HTR4: variants seen among roughly 807,000 people sequenced by gnomAD.
HTR4 encodes 5-hydroxytryptamine receptor 4.
A neutral mutation model predicts 36.8 loss-of-function variants in HTR4; 16 were observed. That is an observed-to-expected ratio of 0.43 (90% confidence interval 0.29 to 0.66). HTR4 has a LOEUF of 0.66. Among genes scored for constraint, HTR4 ranks in the 30% least tolerant of loss-of-function variants. The pLI, the probability that HTR4 is intolerant of heterozygous loss-of-function variation, is 0.13. For synonymous variants in HTR4, 189 were observed against 185.1 expected (o/e 1.02, Z -0.17); for missense variants, 438 against 490.9 (o/e 0.89, Z 1.02).
chr5:148,586,464 A>G (rs1204792181), intron 2 of HTR4, among the ~76,000 whole-genome samples: 3 of 152,066 alleles, frequency 2.0e-5, no homozygotes, highest in Admixed American at 2.0e-4. Flanking sequence ...CCATTTTCAC[A>G]CAAGGCACTT....
At chr5:148,479,121 T>C (rs1335946289), downstream of HTR4, among the ~76,000 whole-genome samples, 1 of 151,994 alleles carries the variant, frequency 6.6e-6, no homozygotes, top group Non-Finnish European at 1.5e-5. Flanking sequence ...GCTCTGAGAG[T>C]AGCTGGACAG....
At chr5:148,653,406 T>C (rs1328870216) in intron 1 of HTR4, among the ~76,000 whole-genome samples, 3 of 152,142 alleles carry the variant, frequency 2.0e-5, no homozygotes, top group Admixed American at 1.3e-4. Context: ...AACAGCACAG[T>C]GCCGCACAGG....
chr5:148,601,108 A>G (rs1263139691), intron 2 of HTR4, among the ~76,000 whole-genome samples: 1 of 152,024 alleles, frequency 6.6e-6, no homozygotes, highest in Non-Finnish European at 1.5e-5. Flanking sequence ...AGCATCAGTA[A>G]TCATCAGGAA....
intron 2 of HTR4, among the ~76,000 whole-genome samples, chr5:148,597,090 G>T (rs927193795): frequency 1.3e-5 from 2 of 152,132 alleles, no homozygotes; most frequent in Non-Finnish European, 2.9e-5. Context: ...TCAGATGCTG[G>T]CTTTATTCAG....
chr5:148,495,952 A>G (rs1490617230), intron 6 of HTR4, among the ~76,000 whole-genome samples: 1 of 151,926 alleles, frequency 6.6e-6, no homozygotes, highest in Non-Finnish European at 1.5e-5. Context: ...AATACAAAAA[A>G]TTAGCCGGGT....
intron 2 of HTR4, among the ~76,000 whole-genome samples, chr5:148,627,845 T>C (rs557798615): frequency 5.9e-5 from 9 of 152,254 alleles, no homozygotes; most frequent in African/African-American, 1.9e-4. Context: ...TGGGAGAAAA[T>C]AGCAGGTACT....
intron 2 of HTR4, among the ~76,000 whole-genome samples, chr5:148,581,752 T>C (rs1474847434): frequency 6.6e-6 from 1 of 152,152 alleles, no homozygotes; most frequent in Non-Finnish European, 1.5e-5. Flanking sequence ...TTGTAATATA[T>C]TCTCAAATCA....
chr5:148,618,219 T>A (rs1752776617), intron 2 of HTR4, among the ~76,000 whole-genome samples: 1 of 152,136 alleles, frequency 6.6e-6, no homozygotes, highest in Non-Finnish European at 1.5e-5. Context: ...TGAAGCCTGA[T>A]GACACAGTTC....
intron 5 of HTR4, 21 bp from the exon 6 acceptor site, chr5:148,510,045 G>A (rs772180109): frequency 1.3e-6 from 2 of 1,517,588 alleles, no homozygotes; most frequent in Non-Finnish European, 1.8e-6. Context: ...GAGGGAGAGA[G>A]GAAATGAGGA....
intron 4 of HTR4, among the ~76,000 whole-genome samples, chr5:148,533,871 T>C (rs937053730): frequency 1.3e-5 from 2 of 152,088 alleles, no homozygotes; most frequent in Admixed American, 6.5e-5. Context: ...AATATCTGTT[T>C]AATACATATT....
intron 4 of HTR4, among the ~76,000 whole-genome samples, chr5:148,538,436 C>CT (rs984126837): frequency 9.2e-5 from 14 of 151,828 alleles, no homozygotes; most frequent in Non-Finnish European, 1.6e-4. Flanking sequence ...TTCAACTATG[C>CT]TTTTTTTTGA....
At chr5:148,642,973 AAG>A in intron 1 of HTR4, among the ~76,000 whole-genome samples, 2 of 152,286 alleles carry the variant, frequency 1.3e-5, no homozygotes, top group South Asian at 2.1e-4. Context: ...TTTAAAAAAA[AAG>A]AAGCCTTTTC....
intron 4 of HTR4, among the ~76,000 whole-genome samples, chr5:148,527,732 G>A (rs1758352605): frequency 6.6e-6 from 1 of 152,096 alleles, no homozygotes; most frequent in Admixed American, 6.6e-5. Context: ...CAGCTGCCTA[G>A]CTTCCTGAGT....
chr5:148,592,827 T>C (rs182852793), intron 2 of HTR4, among the ~76,000 whole-genome samples: 25 of 152,298 alleles, frequency 1.6e-4, no homozygotes, highest in African/African-American at 6.0e-4. Context: ...ATCTCTGTAC[T>C]ACCACTTTGC....
At chr5:148,604,430 T>C (rs1468312190) in intron 2 of HTR4, among the ~76,000 whole-genome samples, 1 of 152,184 alleles carries the variant, frequency 6.6e-6, no homozygotes, top group African/African-American at 2.4e-5. Flanking sequence ...CTTATACTGT[T>C]GCTGGAAAAC....
intron 5 of HTR4, among the ~76,000 whole-genome samples, chr5:148,516,177 G>A (rs558557013): frequency 6.6e-6 from 1 of 151,408 alleles, no homozygotes; most frequent in South Asian, 2.1e-4. Flanking sequence ...TTATCATTAT[G>A]AAAAAATGAT....
intron 5 of HTR4, among the ~76,000 whole-genome samples, chr5:148,455,901 A>T (rs763358531): frequency 2.0e-5 from 3 of 152,092 alleles, no homozygotes; most frequent in Non-Finnish European, 2.9e-5. Flanking sequence ...CATCCTCAGC[A>T]TCTTCACACT....
At chr5:148,634,516 T>C (rs920218034) in intron 2 of HTR4, among the ~76,000 whole-genome samples, 1 of 152,306 alleles carries the variant, frequency 6.6e-6, no homozygotes, top group Middle Eastern at 3.4e-3. Flanking sequence ...TAGGACTGCT[T>C]TAAAAATTAA....
At chr5:148,643,346 G>A (rs1753783459) in intron 1 of HTR4, among the ~76,000 whole-genome samples, 1 of 152,098 alleles carries the variant, frequency 6.6e-6, no homozygotes, top group African/African-American at 2.4e-5. Flanking sequence ...TGGATTACAG[G>A]AAAAATAAAG....
Sources: gnomAD v4.1 joint callset for allele counts (sites outside exome capture counted in the v4.1 genomes callset) on GRCh38, gnomAD v4.1.1 for gene constraint, MANE v1.5 for transcripts, NCBI Gene and HGNC (gene_info 2026-07-23, HGNC 2026-07-21) for gene names.